Variants in PARD3B observed in about 807,000 individuals in gnomAD.
PARD3B encodes the protein partitioning defective 3 homolog B.
PARD3B carries 103 observed loss-of-function variants against 130.2 expected under a neutral mutation model. That is an observed-to-expected ratio of 0.79 (90% CI 0.67 to 0.93). The LOEUF (loss-of-function observed/expected upper bound fraction) is 0.93. Ranked by LOEUF, PARD3B falls within the 40% of genes least tolerant of loss-of-function variation. The pLI is 0.00. For missense variants in PARD3B, 1,609 were observed against 1,499.2 expected (o/e 1.07, Z -1.21); for synonymous variants, 583 against 553.2 (o/e 1.05, Z -0.76).
intron 20 of PARD3B, among the ~76,000 whole-genome samples, chr2:205,462,887 G>A (rs968410952): frequency 1.3e-5 from 2 of 152,144 alleles, no homozygotes; most frequent in African/African-American, 2.4e-5. Flanking sequence ...CGTGACTCAC[G>A]CAGTGGCTCA....
chr2:205,023,691 A>G lies in PARD3B; in HGVS notation c.395-23890A>G, dbSNP rs966116477. Among the ~76,000 whole-genome samples, 9 of 152,110 alleles carry G rather than the reference A, an allele frequency of 5.9e-5. No individual in the cohort carries two copies. The East Asian group carries it at 1.5e-3, about 26-fold the overall frequency. ...GAAATATTTGCTGAAAGGGGATTCT[A>G]TGCAGTCATATTTCTTCTGCAACTT... On this transcript the variant is annotated intron_variant, in intron 3 of 22. Transcript: ENST00000406610.
intron 20 of PARD3B, among the ~76,000 whole-genome samples, chr2:205,475,245 A>G (rs999159034): frequency 2.0e-4 from 30 of 152,176 alleles, no homozygotes; most frequent in African/African-American, 6.8e-4. Context: ...GAAATGTCAC[A>G]TCAGAATCTG....
intron 14 of PARD3B, among the ~76,000 whole-genome samples, chr2:205,189,294 T>A (rs536004369): frequency 6.6e-6 from 1 of 152,312 alleles, no homozygotes; most frequent in Admixed American, 6.5e-5. Flanking sequence ...ATCCCCCACC[T>A]TTTCACCTCA....
Position 205,000,805 on chromosome 2 carries a change from A to C in PARD3B, c.394+35482A>C, listed in dbSNP as rs181251340. On this transcript the variant is annotated intron_variant, in intron 3 of 22. Transcript: ENST00000406610. ...TACTTCCATCCATATTGCTTGAGAC[A>C]CTGAACTTCTTAAATCTGTGCAAGG... Among the ~76,000 whole-genome samples, 27 of 152,212 alleles carry C rather than the reference A, an allele frequency of 1.8e-4. No individual in the cohort carries two copies. The East Asian group carries it at 4.8e-3, about 27-fold the overall frequency.
At chr2:205,243,154 G>A (rs530273857) in intron 15 of PARD3B, among the ~76,000 whole-genome samples, 9 of 151,320 alleles carry the variant, frequency 5.9e-5, no homozygotes, top group Non-Finnish European at 5.9e-5. Flanking sequence ...CAACAAGAGC[G>A]AAACTCCGTC....
At chr2:205,286,411 T>C (rs2041398223) in intron 16 of PARD3B, among the ~76,000 whole-genome samples, 1 of 152,210 alleles carries the variant, frequency 6.6e-6, no homozygotes, top group Admixed American at 6.5e-5. Context: ...CTTTTACTGA[T>C]GTAGAAACTG....
At chr2:205,079,588 G>T (rs1157466087) in intron 4 of PARD3B, among the ~76,000 whole-genome samples, 2 of 152,118 alleles carry the variant, frequency 1.3e-5, no homozygotes, top group Non-Finnish European at 2.9e-5. Context: ...CCTCCCAAAG[G>T]CCACACTTCT....
In PARD3B at chr2:205,349,347, C is replaced by G. The variant is rs530948215; in HGVS notation, c.2630+47646C>G. ...AAAAGTGAGAAAGAGACCCAAACCA[C>G]CATTTTATATGTAATCTCACTTGGT... On this transcript the variant is annotated intron_variant, in intron 18 of 22. Transcript: ENST00000406610. Among the ~76,000 whole-genome samples the G allele has an allele frequency of 3.7e-4, 56 of 152,242 alleles. No homozygotes were observed. In the Middle Eastern group the frequency reaches 0.02, roughly 55 times the overall value.
intron 4 of PARD3B, among the ~76,000 whole-genome samples, chr2:205,103,311 TA>T (rs149323523): frequency 0.15 from 3,834 of 24,988 alleles, 94 homozygotes; most frequent in East Asian, 0.5. Context: ...AAACATATTT[TA>T]TATTTATGTA....
chr2:204,695,690 A>C (rs2037578292), intron 2 of PARD3B, among the ~76,000 whole-genome samples: 1 of 152,056 alleles, frequency 6.6e-6, no homozygotes, highest in South Asian at 2.1e-4. Context: ...GTGTAGCAGC[A>C]GCCCTGAGGT....
At chr2:204,552,780 G>A (rs577193432) in intron 1 of PARD3B, among the ~76,000 whole-genome samples, 48 of 152,160 alleles carry the variant, frequency 3.2e-4, no homozygotes, top group Middle Eastern at 6.8e-3. Flanking sequence ...TAATGTTTTC[G>A]TTTGCTTTGT....
intron 16 of PARD3B, among the ~76,000 whole-genome samples, chr2:205,285,620 T>C (rs1424372323): frequency 6.6e-6 from 1 of 152,210 alleles, no homozygotes; most frequent in African/African-American, 2.4e-5. Context: ...ATGGCTGGGC[T>C]TGCTGCCCCT....
At chr2:205,373,238 T>C (rs1266363062) in intron 18 of PARD3B, among the ~76,000 whole-genome samples, 1 of 152,142 alleles carries the variant, frequency 6.6e-6, no homozygotes, top group Non-Finnish European at 1.5e-5. Flanking sequence ...AATCAAACCT[T>C]AGCCCTGTAC....
rs1326044918 is a variant in PARD3B, at chr2:205,523,956, A to AAGT, written c.3180+23927_3180+23929dup. Among the ~76,000 whole-genome samples, 23 of 151,896 alleles carry AAGT rather than the reference A, an allele frequency of 1.5e-4. No homozygotes were observed. The South Asian group carries it at 2.7e-3, about 18-fold the overall frequency. ...AGGATGTCTGGTGGTTTGAAGTTTGAAGTACGTAACAAATTTTTTTTTACC... is the reference window on the plus strand; with the variant it reads ...AGGATGTCTGGTGGTTTGAAGTTTGAAGTAGTACGTAACAAATTTTTTTTTACC... On this transcript the variant is annotated intron_variant, in intron 21 of 22. Transcript: ENST00000406610.
intron 2 of PARD3B, among the ~76,000 whole-genome samples, chr2:204,881,201 C>T (rs1408551482): frequency 6.6e-6 from 1 of 152,144 alleles, no homozygotes; most frequent in Non-Finnish European, 1.5e-5. Flanking sequence ...TCAAAGTATG[C>T]CAATATTGTT....
rs1017078454 is a variant in PARD3B, at chr2:205,106,446, G to A, written c.593+1932G>A. ...TTACAGGCATGAGCTACCACGCCCG[G>A]CCAAAAACATATATATTCTTTAGTT... On this transcript the variant is annotated intron_variant, in intron 5 of 22. Coordinates refer to ENST00000406610, the MANE Select transcript of PARD3B (RefSeq NM_001302769.2). Among the ~76,000 whole-genome samples the A allele has an allele frequency of 5.3e-5, 8 of 151,700 alleles. No individual in the cohort carries two copies. In the South Asian group the frequency reaches 1.7e-3, roughly 32 times the overall value.
intron 3 of PARD3B, 116 bp from the exon 4 acceptor site, chr2:205,047,465 T>C: frequency 3.5e-6 from 2 of 577,464 alleles, no homozygotes; most frequent in Non-Finnish European, 6.0e-6. Context: ...TCCTTAGAAA[T>C]AGAATGTTTT....
At chr2:205,087,718 A>G (rs775888540) in intron 4 of PARD3B, among the ~76,000 whole-genome samples, 6 of 152,170 alleles carry the variant, frequency 3.9e-5, no homozygotes, top group South Asian at 2.1e-4. Flanking sequence ...TGGGCAATCA[A>G]CCTGGGATGA....
chr2:205,458,422 T>C lies in PARD3B; in HGVS notation c.3044+17750T>C, dbSNP rs2048344594. 6.6e-6 allele frequency among the ~76,000 whole-genome samples: 1 copy of C among 152,142 alleles called. No individual in the cohort carries two copies. Among genetic ancestry groups the C allele is most frequent in the Non-Finnish European group, 1.5e-5 (1 of 68,014 alleles). ...TTCGTTTCTGGTTTTCTCTCTGTGA[T>C]GCAGTCTGGTTTTTGAGTTCTCTGT... On this transcript the variant is annotated intron_variant, in intron 20 of 22. Coordinates refer to ENST00000406610, the MANE Select transcript of PARD3B (RefSeq NM_001302769.2). The surrounding 1 kb of genome is among the most constrained non-coding windows in gnomAD (Gnocchi z 4.8).
Sources: allele counts gnomAD v4.1 joint callset (sites outside exome capture counted in the v4.1 genomes callset), GRCh38; gene constraint gnomAD v4.1.1; non-coding constraint Gnocchi (gnomAD v3.1); transcripts MANE v1.5; gene names NCBI Gene and HGNC (gene_info 2026-07-23, HGNC 2026-07-21).